The following BBOF1 variants were observed in gnomAD, a reference collection of about 807,000 sequenced individuals.
BBOF1 encodes the protein basal body-orientation factor 1.
BBOF1 carries 62 observed loss-of-function variants against 68.0 expected under a neutral mutation model. The observed-to-expected ratio is 0.91, with a 90% confidence interval of 0.74 to 1.13. BBOF1 has a LOEUF of 1.13. BBOF1 is among the 50% of genes most tolerant of loss of function. The pLI is 0.00. For missense variants in BBOF1, 534 were observed against 600.1 expected (o/e 0.89, Z 1.15); for synonymous variants, 208 against 198.8 (o/e 1.05, Z -0.39).
At position 74,074,479 on chromosome 14, in the gene BBOF1, G is replaced by A. The variant is rs765721; in HGVS notation, n.1380-3717G>A. Among the ~76,000 whole-genome samples the A allele has an allele frequency of 3.0e-3, 447 of 149,354 alleles. 3 individuals are homozygous for A. Among genetic ancestry groups the A allele is most frequent in the Middle Eastern group, 0.015 (4 of 274 alleles). On this transcript the variant is annotated intron_variant and non_coding_transcript_variant, in intron 9 of 12. Coordinates refer to the BBOF1 transcript ENST00000492026. ...GTTTTGTATTTTTAGTAGAGATGTG[G>A]TTTCCCCATGTTGGCCAGGATGGTC...
In BBOF1 at chr14:74,023,573, A is replaced by T. The variant is rs146644610; in HGVS notation, c.285+429A>T. Reference sequence around the variant, plus strand: ...TTTGGCCAGTTGAATCTTGTATCTTATTGTACCTTATTAAAGTGTTGAGAG... The same window carrying T: ...TTTGGCCAGTTGAATCTTGTATCTTTTTGTACCTTATTAAAGTGTTGAGAG... On this transcript the variant is annotated intron_variant, in intron 2 of 11. Transcript: ENST00000394009. Among the ~76,000 whole-genome samples, 544 of 152,166 alleles carry T rather than the reference A, an allele frequency of 3.6e-3. 4 individuals carry two copies. Among genetic ancestry groups the T allele is most frequent in the African/African-American group, 0.012 (513 of 41,530 alleles).
rs2060438923 is a variant in BBOF1 at position 74,065,090 on chromosome 14, A to G, written c.*391A>G. 2.6e-6 allele frequency: 4 copies of G among 1,513,126 alleles called. No individual in the cohort carries two copies. The highest frequency in any genetic ancestry group is 2.3e-5 in the South Asian group (2 of 87,176). The allele number at this position is 1,513,126 out of a possible 1,614,324, so 93.7% of individuals were successfully genotyped here. A position where few individuals can be genotyped will look rare whatever the true frequency, so the allele number is the denominator to read the frequency against. ...GGCAATGTGGGAGGTCATGGGGGCA[A>G]TCTTAAACCAATGACTCACCATTAT... On this transcript the variant is annotated 3_prime_UTR_variant, in exon 12 of 12. Coordinates refer to ENST00000394009, the MANE Select transcript of BBOF1 (RefSeq NM_025057.3).
chr14:74,032,118 ATTTTTTTT>A (rs780515040), intron 3 of BBOF1, among the ~76,000 whole-genome samples: 2 of 99,678 alleles, frequency 2.0e-5, no homozygotes, highest in East Asian at 3.2e-4. Context: ...CTCAAAGTTG[ATTTTTTTT>A]TTTTTTTTTT....
intron 10 of BBOF1, among the ~76,000 whole-genome samples, chr14:74,078,560 C>T (rs1477033038): frequency 6.6e-6 from 1 of 152,082 alleles, no homozygotes; most frequent in Non-Finnish European, 1.5e-5. Flanking sequence ...CAGAGTCTCA[C>T]TCTGTCACCC....
rs367784550 is a variant in BBOF1 at position 74,034,170 on chromosome 14, A to G, written c.494A>G (p.Asp165Gly). The G allele has an allele frequency of 1.9e-6, 3 of 1,541,676 alleles. No individual in the cohort carries two copies. The highest frequency in any genetic ancestry group is 1.4e-5 in the African/African-American group (1 of 72,160). ...RKIQVERELD[D>G]LKENLRNTER... ...ATCCAAGTGGAGAGAGAGTTAGATG[A>G]TGTAAGTTTCATTCCTTTTTTACAA... is the stretch of plus-strand genomic sequence containing the variant. The change falls in exon 4 of 12, where the codon GAT (aspartate) becomes GGT (glycine). Residue 165 changes from aspartate to glycine, a missense_variant and splice_region_variant. By Grantham distance (94) the Asp-to-Gly change is moderately conservative. Coordinates refer to ENST00000394009, the MANE Select transcript of BBOF1 (RefSeq NM_025057.3).
intron 2 of BBOF1, among the ~76,000 whole-genome samples, chr14:74,026,660 C>T (rs1410485013): frequency 6.6e-6 from 1 of 152,058 alleles, no homozygotes; most frequent in Admixed American, 6.6e-5. Context: ...TGCAGTGGCT[C>T]ACACCTGTAA....
In BBOF1 at chr14:74,023,155, A is replaced by G. The variant is rs2059341742; in HGVS notation, c.285+11A>G. 2 of 1,527,008 alleles carry G rather than the reference A, an allele frequency of 1.3e-6. No homozygotes were observed. The highest frequency in any genetic ancestry group is 8.9e-7 in the Non-Finnish European group (1 of 1,121,370). 94.6% of individuals were successfully genotyped at this position (1,527,008 alleles called of 1,614,324 possible). A position where few individuals can be genotyped will look rare whatever the true frequency, so the allele number is the denominator to read the frequency against. On this transcript the variant is annotated intron_variant, in intron 2 of 11. Transcript: ENST00000394009. ...GAGAAAGATAATATGGTAGGTAGGTAGAAAGCCTCCTTGGCCTCATTAACT... is the reference window on the plus strand; with the variant it reads ...GAGAAAGATAATATGGTAGGTAGGTGGAAAGCCTCCTTGGCCTCATTAACT...
intron 1 of BBOF1, among the ~76,000 whole-genome samples, chr14:74,022,452 G>A (rs1440610140): frequency 6.6e-6 from 1 of 152,176 alleles, no homozygotes; most frequent in Non-Finnish European, 1.5e-5. Context: ...GGAGGCTGAG[G>A]TGGGTGGATG....
intron 1 of BBOF1, among the ~76,000 whole-genome samples, chr14:74,022,461 TG>T (rs2059325374): frequency 6.6e-6 from 1 of 152,044 alleles, no homozygotes; most frequent in Non-Finnish European, 1.5e-5. Context: ...GGTGGGTGGA[TG>T]GCTTGAGCCC....
intron 4 of BBOF1, among the ~76,000 whole-genome samples, 191 bp from the exon 5 acceptor site, chr14:74,040,374 T>C (rs1289918694): frequency 6.6e-6 from 1 of 152,180 alleles, no homozygotes; most frequent in Non-Finnish European, 1.5e-5. Flanking sequence ...ACTGTACTAA[T>C]GTTATCAATC....
intron 4 of BBOF1, among the ~76,000 whole-genome samples, chr14:74,038,271 G>A (rs1009145053): frequency 3.3e-5 from 5 of 152,144 alleles, no homozygotes; most frequent in African/African-American, 1.2e-4. Context: ...TACAAGTTAT[G>A]TTTTATATGA....
chr14:74,036,256 C>G (rs1340544479), intron 4 of BBOF1, among the ~76,000 whole-genome samples: 1 of 152,040 alleles, frequency 6.6e-6, no homozygotes, highest in Non-Finnish European at 1.5e-5. Context: ...AAAGTTTTGC[C>G]ACATTAGCCA....
chr14:74,068,780 G>T, downstream of BBOF1: 1 of 1,500,734 alleles, frequency 6.7e-7, no homozygotes, highest in Non-Finnish European at 9.2e-7. Flanking sequence ...TGGGATGAGT[G>T]GCCTCTCTGC....
intron 10 of BBOF1, among the ~76,000 whole-genome samples, chr14:74,079,687 C>T (rs2139815905): frequency 6.6e-6 from 1 of 152,236 alleles, no homozygotes; most frequent in East Asian, 1.9e-4. Flanking sequence ...CCGCCTCAGC[C>T]TCCCAAAGTG....
At chr14:74,021,946 TA>T (rs1382278651) in intron 1 of BBOF1, among the ~76,000 whole-genome samples, 1 of 146,702 alleles carries the variant, frequency 6.8e-6, no homozygotes, top group East Asian at 2.0e-4. Flanking sequence ...AAGTGGAGGG[TA>T]AAGTGGGTGG....
chr14:74,021,391 G>C (rs760633514), intron 1 of BBOF1, among the ~76,000 whole-genome samples: 10 of 151,932 alleles, frequency 6.6e-5, no homozygotes, highest in South Asian at 2.1e-4. Context: ...TTCAAGACCA[G>C]CCTGAACAAC....
At chr14:74,062,051 GAAAAAAAAAAAAAAAAA>G (rs369414700) in intron 11 of BBOF1, among the ~76,000 whole-genome samples, 2 of 59,578 alleles carry the variant, frequency 3.4e-5, no homozygotes, top group African/African-American at 1.2e-4. Context: ...TCTCTACTGG[GAAAAAAAAAAAAAAAAA>G]AAAAAAAAAA....
At chr14:74,053,731 T>TGA (rs1215510621) in intron 8 of BBOF1, among the ~76,000 whole-genome samples, 2 of 151,420 alleles carry the variant, frequency 1.3e-5, no homozygotes, top group Non-Finnish European at 2.9e-5. Context: ...TTTTTTTTTT[T>TGA]GAGAGAGTCT....
In BBOF1 at chr14:74,079,512, C is replaced by T. The variant is rs367727133; in HGVS notation, n.1536+1160C>T. Among the ~76,000 whole-genome samples, 542 of 151,688 alleles carry T rather than the reference C, an allele frequency of 3.6e-3. 5 individuals carry two copies. The highest frequency in any genetic ancestry group is 0.013 in the African/African-American group (530 of 41,294). Reference sequence around the variant, plus strand: ...GCAGTTGCGCGATCTTGGCTCACCGCAAGCTCCGCCTCCTGGGTTCACACC... The same window carrying T: ...GCAGTTGCGCGATCTTGGCTCACCGTAAGCTCCGCCTCCTGGGTTCACACC... On this transcript the variant is annotated intron_variant and non_coding_transcript_variant, in intron 10 of 12. Coordinates refer to the BBOF1 transcript ENST00000492026.
Sources: gnomAD v4.1 joint callset for allele counts (sites outside exome capture counted in the v4.1 genomes callset) on GRCh38, gnomAD v4.1.1 for gene constraint, MANE v1.5 for transcripts, NCBI Gene and HGNC (gene_info 2026-07-23, HGNC 2026-07-21) for gene names.